Variants in DNAJC15 observed in about 807,000 individuals in gnomAD.
DNAJC15 encodes the protein DnaJ heat shock protein family (Hsp40) member C15.
A neutral mutation model predicts 22.4 loss-of-function variants in DNAJC15; 27 were observed. That is an observed-to-expected ratio of 1.20 (90% CI 0.89 to 1.66). DNAJC15 has a LOEUF of 1.66. Ranked by LOEUF, DNAJC15 falls within the 40% of genes most tolerant of loss-of-function variation. DNAJC15 has a pLI of 0.00. For missense variants in DNAJC15, 208 were observed against 187.1 expected (o/e 1.11, Z -0.65); for synonymous variants, 79 against 63.2 (o/e 1.25, Z -1.19).
chr13:43,032,718 G>A (rs781613219), intron 1 of DNAJC15, among the ~76,000 whole-genome samples: 1 of 152,102 alleles, frequency 6.6e-6, no homozygotes, highest in African/African-American at 2.4e-5. Flanking sequence ...CCAGCTACTC[G>A]GGAGGCTGAG....
intron 5 of DNAJC15, among the ~76,000 whole-genome samples, chr13:43,098,641 G>T (rs182202169): frequency 9.7e-4 from 148 of 152,248 alleles, no homozygotes; most frequent in African/African-American, 3.3e-3. Flanking sequence ...TCTCAGACAT[G>T]TGCAAACATC....
At chr13:43,047,069 A>G (rs1015056364) in intron 1 of DNAJC15, among the ~76,000 whole-genome samples, 3 of 152,226 alleles carry the variant, frequency 2.0e-5, no homozygotes, top group Non-Finnish European at 4.4e-5. Context: ...ACCCCAGGTC[A>G]GAGAACAAAA....
chr13:43,024,831 G>A (rs1277778738), intron 1 of DNAJC15, among the ~76,000 whole-genome samples: 1 of 148,036 alleles, frequency 6.8e-6, no homozygotes, highest in African/African-American at 2.5e-5. Flanking sequence ...CCAGGCAGGA[G>A]GATCACTTGA....
chr13:43,078,791 A>G lies in DNAJC15; in HGVS notation c.311+103A>G, dbSNP rs1018409700. 6 of 877,286 alleles carry G rather than the reference A, an allele frequency of 6.8e-6. No individual in the cohort carries two copies. In the African/African-American group the frequency reaches 1.0e-4, roughly 15 times the overall value. 54.3% of individuals were successfully genotyped at this position (877,286 alleles called of 1,614,324 possible). ...TATACTTAGACTTAAAATTATGAGT[A>G]GGTGGCAGAGGAGAAAATATCAAAT... On this transcript the variant is annotated intron_variant, in intron 4 of 5. Coordinates refer to ENST00000379221, the MANE Select transcript of DNAJC15 (RefSeq NM_013238.3).
intron 1 of DNAJC15, among the ~76,000 whole-genome samples, chr13:43,046,470 A>AGGG (rs2040477623): frequency 6.6e-6 from 1 of 152,106 alleles, no homozygotes; most frequent in Non-Finnish European, 1.5e-5. Flanking sequence ...AGGTGACCGC[A>AGGG]CCTACCTTTA....
At chr13:43,094,010 A>C (rs986149707) in intron 5 of DNAJC15, among the ~76,000 whole-genome samples, 2 of 152,218 alleles carry the variant, frequency 1.3e-5, no homozygotes, top group Non-Finnish European at 2.9e-5. Context: ...GGTAGTTGGG[A>C]AAGGAAAGAG....
At chr13:43,066,708 C>T (rs1334293062) in intron 2 of DNAJC15, among the ~76,000 whole-genome samples, 2 of 152,092 alleles carry the variant, frequency 1.3e-5, no homozygotes, top group African/African-American at 2.4e-5. Flanking sequence ...CTTCAAGCTC[C>T]GCCTCCCGGG....
At chr13:43,056,314 T>A (rs1172885658) in intron 1 of DNAJC15, among the ~76,000 whole-genome samples, 1 of 152,088 alleles carries the variant, frequency 6.6e-6, no homozygotes, top group African/African-American at 2.4e-5. Flanking sequence ...AATTTTGTAT[T>A]TTTAGTAGAG....
At chr13:43,050,335 C>T (rs2040496976) in intron 1 of DNAJC15, among the ~76,000 whole-genome samples, 1 of 151,948 alleles carries the variant, frequency 6.6e-6, no homozygotes, top group African/African-American at 2.4e-5. Context: ...GAGACAGGGT[C>T]TCACTCTGTC....
intron 2 of DNAJC15, among the ~76,000 whole-genome samples, chr13:43,066,703 A>C (rs534331103): frequency 6.2e-4 from 95 of 152,174 alleles, no homozygotes; most frequent in African/African-American, 2.2e-3. Context: ...GCTCACTTCA[A>C]GCTCCGCCTC....
chr13:43,062,915 C>T (rs2040565697), intron 1 of DNAJC15, among the ~76,000 whole-genome samples: 1 of 152,078 alleles, frequency 6.6e-6, no homozygotes, highest in Non-Finnish European at 1.5e-5. Context: ...TACGGGGTTT[C>T]ACCATGTTGG....
intron 5 of DNAJC15, among the ~76,000 whole-genome samples, chr13:43,097,339 T>C (rs1041223091): frequency 1.3e-5 from 2 of 152,180 alleles, no homozygotes; most frequent in African/African-American, 2.4e-5. Context: ...TCTGGAATTA[T>C]AAGCAGATCA....
intron 5 of DNAJC15, among the ~76,000 whole-genome samples, chr13:43,098,452 T>C (rs1395680120): frequency 6.6e-6 from 1 of 152,228 alleles, no homozygotes; most frequent in East Asian, 1.9e-4. Flanking sequence ...GTAGAACCTC[T>C]TCAGACCCTT....
intron 1 of DNAJC15, among the ~76,000 whole-genome samples, chr13:43,063,832 TA>T (rs2040570829): frequency 6.6e-6 from 1 of 152,106 alleles, no homozygotes; most frequent in South Asian, 2.1e-4. Context: ...TAAACAAAAT[TA>T]TAAGGGAAGA....
intron 5 of DNAJC15, among the ~76,000 whole-genome samples, chr13:43,098,719 C>T (rs1473520446): frequency 6.6e-6 from 1 of 152,192 alleles, no homozygotes; most frequent in Non-Finnish European, 1.5e-5. Flanking sequence ...CCCTCATCTT[C>T]CTGTTCTCAG....
At chr13:43,060,900 C>T (rs993560864) in intron 1 of DNAJC15, among the ~76,000 whole-genome samples, 3 of 152,182 alleles carry the variant, frequency 2.0e-5, no homozygotes, top group Non-Finnish European at 2.9e-5. Context: ...GTGAAAGTGT[C>T]TACCCAGACC....
Position 43,109,643 on chromosome 13 carries a change from T to G in DNAJC15, c.*2395T>G, listed in dbSNP as rs2040814974. 3 of 152,182 alleles carry G rather than the reference T, an allele frequency of 2.0e-5. No homozygotes were observed. Among genetic ancestry groups the G allele is most frequent in the Non-Finnish European group, 1.5e-5 (1 of 68,026 alleles). 9.4% of individuals were successfully genotyped at this position (152,182 alleles called of 1,614,324 possible). ...CTGTTATGTGATCTTGGGCAGTTACTTAATTTTCTAGTCAATAACCCGTAT... is the reference window on the plus strand; with the variant it reads ...CTGTTATGTGATCTTGGGCAGTTACGTAATTTTCTAGTCAATAACCCGTAT... On this transcript the variant is annotated 3_prime_UTR_variant, in exon 6 of 6. Transcript: ENST00000379221.
chr13:43,107,289 T>C lies in DNAJC15; in HGVS notation c.*41T>C. On this transcript the variant is annotated 3_prime_UTR_variant, in exon 6 of 6. Transcript: ENST00000379221. ...CTGAAGGAAAAAAAAAGAGGGGACT[T>C]CGAAAAAAAAAAAAGCCCTGCAAAA... 2.1e-6 allele frequency: 3 copies of C among 1,417,516 alleles called. No homozygotes were observed. The highest frequency in any genetic ancestry group is 5.2e-5 in the East Asian group (2 of 38,714). The allele number at this position is 1,417,516 out of a possible 1,614,324, so 87.8% of individuals were successfully genotyped here.
At chr13:43,038,574 C>T (rs1274718129) in intron 1 of DNAJC15, among the ~76,000 whole-genome samples, 2 of 152,086 alleles carry the variant, frequency 1.3e-5, no homozygotes, top group Admixed American at 6.5e-5. Context: ...GGGCAGATCA[C>T]GAGGTCAGGA....
Sources: gnomAD v4.1 joint callset for allele counts (sites outside exome capture counted in the v4.1 genomes callset) on GRCh38, gnomAD v4.1.1 for gene constraint, MANE v1.5 for transcripts, NCBI Gene and HGNC (gene_info 2026-07-23, HGNC 2026-07-21) for gene names.